The following UBL7 variants were observed in gnomAD, a reference collection of about 807,000 sequenced individuals.
The protein encoded by UBL7 is ubiquitin like 7.
In UBL7, 21 loss-of-function variants were observed where a neutral mutation model predicts 41.7. The observed-to-expected ratio is 0.50, with a 90% CI of 0.36 to 0.73. The LOEUF (loss-of-function observed/expected upper bound fraction) is 0.73. Among genes scored for constraint, UBL7 ranks in the 30% least tolerant of loss-of-function variants. The pLI is 0.00. For missense variants in UBL7, 403 were observed against 478.4 expected (o/e 0.84, Z 1.47); for synonymous variants, 157 against 186.9 (o/e 0.84, Z 1.31).
chr15:74,461,020 T>G lies in UBL7; in HGVS notation c.-30+17A>C. Reference sequence around the variant, plus strand: ...CGCTAGTAATGGGGCAGGAACACTATCCGGTGGCGACCTCACCGCTCCAGT... The same window carrying G: ...CGCTAGTAATGGGGCAGGAACACTAGCCGGTGGCGACCTCACCGCTCCAGT... On this transcript the variant is annotated intron_variant, in intron 1 of 10. Coordinates refer to ENST00000395081, the MANE Select transcript of UBL7 (RefSeq NM_032907.5). 1 of 1,072,370 alleles carries G rather than the reference T, an allele frequency of 9.3e-7. No individual in the cohort carries two copies. Among genetic ancestry groups the G allele is most frequent in the Non-Finnish European group, 1.1e-6 (1 of 879,298 alleles). 66.4% of individuals were successfully genotyped at this position (1,072,370 alleles called of 1,614,324 possible). A position where few individuals can be genotyped will look rare whatever the true frequency, so the allele number is the denominator to read the frequency against.
chr15:74,459,969 C>A (rs948941394), intron 1 of UBL7, among the ~76,000 whole-genome samples: 1 of 133,428 alleles, frequency 7.5e-6, no homozygotes, highest in Non-Finnish European at 1.5e-5. Context: ...AAGCCAGACG[C>A]GGTGGCTCAC....
chr15:74,452,255 C>T (rs2061255085), intron 4 of UBL7, 41 bp downstream of exon 4: 1 of 1,538,486 alleles, frequency 6.5e-7, no homozygotes, highest in African/African-American at 1.4e-5. Context: ...CGTTCACACC[C>T]TCTCCTACAG....
chr15:74,457,207 C>T (rs1486362770), intron 2 of UBL7, among the ~76,000 whole-genome samples: 1 of 152,204 alleles, frequency 6.6e-6, no homozygotes, highest in African/African-American at 2.4e-5. Flanking sequence ...CCTATAAACC[C>T]AGCACTTTTG....
At chr15:74,451,960 T>A (rs2061250398) in intron 4 of UBL7, among the ~76,000 whole-genome samples, 2 of 152,152 alleles carry the variant, frequency 1.3e-5, no homozygotes, top group Non-Finnish European at 2.9e-5. Context: ...ATCAGCCCAC[T>A]TCCCCAGTGA....
intron 1 of UBL7, among the ~76,000 whole-genome samples, chr15:74,459,457 C>T (rs528635636): frequency 1.0e-3 from 152 of 150,266 alleles, no homozygotes; most frequent in Non-Finnish European, 1.6e-3. Context: ...TACAGGCACC[C>T]GCCACGACGC....
chr15:74,449,085 C>A, intron 9 of UBL7, 101 bp downstream of exon 9: 3 of 1,395,552 alleles, frequency 2.1e-6, no homozygotes, highest in Non-Finnish European at 2.9e-6. Flanking sequence ...TCAGCTTAAA[C>A]TAGATCTAGC....
chr15:74,449,108 A>G, intron 9 of UBL7, 78 bp downstream of exon 9: 3 of 1,480,086 alleles, frequency 2.0e-6, no homozygotes, highest in Non-Finnish European at 2.7e-6. Context: ...CAGGGTCAGC[A>G]AAGGCAAATC....
chr15:74,458,642 GAGATC>G (rs1222894356), intron 2 of UBL7, 37 bp downstream of exon 2: 1 of 1,548,726 alleles, frequency 6.5e-7, no homozygotes, highest in Non-Finnish European at 8.9e-7. Flanking sequence ...TCCCCCAAAA[GAGATC>G]AGAGCAGCAG....
At chr15:74,454,641 G>A (rs574437739) in intron 3 of UBL7, among the ~76,000 whole-genome samples, 9 of 152,106 alleles carry the variant, frequency 5.9e-5, no homozygotes, top group African/African-American at 1.9e-4. Context: ...CAGGTGATCC[G>A]CCCACCTCGG....
At position 74,460,154 on chromosome 15, in the gene UBL7, A is replaced by G. The variant is rs575574423; in HGVS notation, c.-30+883T>C. Reference sequence around the variant, plus strand: ...CTACTTGAGAGGCTGAGGCAGGAGAATTGCTTGAACCCGGGAGGTGGAGGT... The same window carrying G: ...CTACTTGAGAGGCTGAGGCAGGAGAGTTGCTTGAACCCGGGAGGTGGAGGT... On this transcript the variant is annotated intron_variant, in intron 1 of 10. Transcript: ENST00000395081. Among the ~76,000 whole-genome samples, 5 of 151,854 alleles carry G rather than the reference A, an allele frequency of 3.3e-5. No homozygotes were observed. The East Asian group carries it at 9.7e-4, about 30-fold the overall frequency.
chr15:74,450,764 A>G, intron 6 of UBL7, 38 bp downstream of exon 6: 1 of 1,608,980 alleles, frequency 6.2e-7, no homozygotes, highest in Non-Finnish European at 8.5e-7. Flanking sequence ...GAGCACGAGG[A>G]GAGAGAAGGT....
At position 74,458,987 on chromosome 15, in the gene UBL7, A is replaced by G. The variant is rs902753658; in HGVS notation, c.-29-91T>C. 7.1e-6 allele frequency: 9 copies of G among 1,270,416 alleles called. No individual in the cohort carries two copies. The African/African-American group carries it at 1.3e-4, about 19-fold the overall frequency. 78.7% of individuals were successfully genotyped at this position (1,270,416 alleles called of 1,614,324 possible). On this transcript the variant is annotated intron_variant, in intron 1 of 10. Transcript: ENST00000395081. ...AAAGGGTTGAATGAAAGACAATTCAATGTGACACTGTTGAAGAGGCATAGG... is the reference window on the plus strand; with the variant it reads ...AAAGGGTTGAATGAAAGACAATTCAGTGTGACACTGTTGAAGAGGCATAGG...
Position 74,446,643 on chromosome 15 carries a change from C to T in UBL7, c.1006-416G>A, listed in dbSNP as rs977194542. Among the ~76,000 whole-genome samples the T allele has an allele frequency of 6.6e-5, 10 of 152,242 alleles. No homozygotes were observed. The highest frequency in any genetic ancestry group is 1.9e-4 in the East Asian group (1 of 5,182). On this transcript the variant is annotated intron_variant, in intron 10 of 10. Coordinates refer to ENST00000395081, the MANE Select transcript of UBL7 (RefSeq NM_032907.5). This position sits in a 1 kb window ranked among gnomAD's most constrained non-coding sequence, Gnocchi z 4.1. ...GTTTTTTGTTTGGTTTGGTTTGCCACGCAGAAATTTTCACCTTTTTTTAAA... is the reference window on the plus strand; with the variant it reads ...GTTTTTTGTTTGGTTTGGTTTGCCATGCAGAAATTTTCACCTTTTTTTAAA...
chr15:74,459,082 C>T (rs182882077), intron 1 of UBL7, 186 bp from the exon 2 acceptor site: 266 of 572,358 alleles, frequency 4.6e-4, no homozygotes, highest in African/African-American at 4.5e-3. Context: ...GGACAGCTCT[C>T]TAGGCCTCAG....
intron 4 of UBL7, 113 bp from the exon 5 acceptor site, chr15:74,451,633 C>A: frequency 1.5e-6 from 1 of 687,566 alleles, no homozygotes; most frequent in East Asian, 2.7e-5. Context: ...TACATCACCA[C>A]AATGGAACAA....
Position 74,446,373 on chromosome 15 carries a change from T to C in UBL7, c.1006-146A>G, listed in dbSNP as rs2061184010. On this transcript the variant is annotated intron_variant, in intron 10 of 10. Transcript: ENST00000395081. This position sits in a 1 kb window ranked among gnomAD's most constrained non-coding sequence, Gnocchi z 4.1. ...TGAGTTCCACAGAACACGGTGCTTC[T>C]AGGAAGACTAAAAGATAGGCTTGAG... 4 of 1,011,216 alleles carry C rather than the reference T, an allele frequency of 4.0e-6. No individual in the cohort carries two copies. Among genetic ancestry groups the C allele is most frequent in the African/African-American group, 1.6e-5 (1 of 61,978 alleles). 62.6% of individuals were successfully genotyped at this position (1,011,216 alleles called of 1,614,324 possible). A position where few individuals can be genotyped will look rare whatever the true frequency, so the allele number is the denominator to read the frequency against.
chr15:74,449,822 G>A (rs536929454), intron 7 of UBL7, 114 bp downstream of exon 7: 6 of 1,536,862 alleles, frequency 3.9e-6, no homozygotes, highest in African/African-American at 2.7e-5. Context: ...GACTCAAACC[G>A]AGAGTTCCCA....
At position 74,446,710 on chromosome 15, in the gene UBL7, T is replaced by C. The variant is rs2061187079; in HGVS notation, c.1006-483A>G. On this transcript the variant is annotated intron_variant, in intron 10 of 10. Coordinates refer to ENST00000395081, the MANE Select transcript of UBL7 (RefSeq NM_032907.5). The surrounding 1 kb of genome is among the most constrained non-coding windows in gnomAD (Gnocchi z 4.1). ...GGTATATAGTAGGTATATCTATTTG[T>C]GGACTGTAAGAGATGTTTTAAATTT... Among the ~76,000 whole-genome samples the C allele has an allele frequency of 2.0e-5, 3 of 152,224 alleles. No homozygotes were observed. In the South Asian group the frequency reaches 6.2e-4, roughly 31 times the overall value.
At chr15:74,453,340 G>A (rs954010839) in intron 3 of UBL7, among the ~76,000 whole-genome samples, 4 of 152,196 alleles carry the variant, frequency 2.6e-5, no homozygotes, top group East Asian at 1.9e-4. Context: ...GAGGAGAAAT[G>A]AGACTACATC....
Sources: allele counts gnomAD v4.1 joint callset (sites outside exome capture counted in the v4.1 genomes callset), GRCh38; gene constraint gnomAD v4.1.1; non-coding constraint Gnocchi (gnomAD v3.1); transcripts MANE v1.5; gene names NCBI Gene and HGNC (gene_info 2026-07-23, HGNC 2026-07-21).